The following MYRIP variants were observed in gnomAD, a reference collection of about 807,000 sequenced individuals.
MYRIP encodes rab effector MyRIP.
In MYRIP, 49 loss-of-function variants were observed where a neutral mutation model predicts 98.0. The observed-to-expected ratio is 0.50, with a 90% CI of 0.40 to 0.63. The LOEUF (loss-of-function observed/expected upper bound fraction) is 0.63. Ranked by LOEUF, MYRIP falls within the 30% of genes least tolerant of loss-of-function variation. MYRIP has a pLI of 0.00. For missense variants in MYRIP, 1,004 were observed against 1,058.2 expected, an observed-to-expected ratio of 0.95 and a Z score of 0.71; for synonymous variants, 404 against 409.5, an observed-to-expected ratio of 0.99 and a Z score of 0.16.
intron 10 of MYRIP, among the ~76,000 whole-genome samples, chr3:40,205,645 GCCT>G (rs1304111837): frequency 6.6e-6 from 1 of 151,862 alleles, no homozygotes; most frequent in Non-Finnish European, 1.5e-5. Context: ...CTTTCCCACC[GCCT>G]CCCACCCTCC....
intron 1 of MYRIP, among the ~76,000 whole-genome samples, chr3:39,872,955 C>T (rs993958861): frequency 3.3e-5 from 5 of 152,200 alleles, no homozygotes; most frequent in Admixed American, 3.3e-4. Context: ...GTCCCCCCAA[C>T]AGTGTAAAAG....
At chr3:39,816,738 C>T (rs1940928685) in intron 1 of MYRIP, among the ~76,000 whole-genome samples, 1 of 152,212 alleles carries the variant, frequency 6.6e-6, no homozygotes, top group African/African-American at 2.4e-5. Context: ...TAATATAAAA[C>T]ATAATAATTA....
chr3:39,876,710 T>C (rs867542104), intron 1 of MYRIP, among the ~76,000 whole-genome samples: 1 of 152,226 alleles, frequency 6.6e-6, no homozygotes, highest in Admixed American at 6.5e-5. Flanking sequence ...CCGAGAGATC[T>C]GCTGTTAGTC....
At chr3:40,119,419 T>C (rs1949351372) in intron 3 of MYRIP, among the ~76,000 whole-genome samples, 1 of 152,220 alleles carries the variant, frequency 6.6e-6, no homozygotes, top group Non-Finnish European at 1.5e-5. Flanking sequence ...TTGACATTTG[T>C]GCAGAAAAAG....
At chr3:40,211,310 A>T (rs953655027) in intron 11 of MYRIP, among the ~76,000 whole-genome samples, 1 of 152,224 alleles carries the variant, frequency 6.6e-6, no homozygotes, top group Non-Finnish European at 1.5e-5. Flanking sequence ...GGTAATGCAC[A>T]TGCATGAGTG....
intron 3 of MYRIP, among the ~76,000 whole-genome samples, chr3:40,054,840 G>A (rs558755793): frequency 3.3e-4 from 51 of 152,264 alleles, no homozygotes; most frequent in African/African-American, 1.1e-3. Flanking sequence ...ATCGTCTGCC[G>A]CAAGGCATAT....
chr3:40,110,674 C>T (rs1239039703), intron 3 of MYRIP, among the ~76,000 whole-genome samples: 1 of 152,126 alleles, frequency 6.6e-6, no homozygotes, highest in Non-Finnish European at 1.5e-5. Context: ...CTTTCAACAG[C>T]CCCTCTTTTC....
intron 2 of MYRIP, among the ~76,000 whole-genome samples, chr3:40,012,172 C>T (rs1056614769): frequency 6.6e-6 from 1 of 152,098 alleles, no homozygotes; most frequent in African/African-American, 2.4e-5. Flanking sequence ...TACGGTTTAT[C>T]TCACAGCTTC....
At chr3:39,846,736 C>T (rs1222967383) in intron 1 of MYRIP, among the ~76,000 whole-genome samples, 1 of 152,124 alleles carries the variant, frequency 6.6e-6, no homozygotes, top group Non-Finnish European at 1.5e-5. Context: ...GAAACAGAAT[C>T]AATACAATAT....
At position 40,032,251 on chromosome 3, in the gene MYRIP, G is replaced by T. The variant is rs539634708; in HGVS notation, c.111-11799G>T. 1.2e-3 allele frequency among the ~76,000 whole-genome samples: 188 copies of T among 152,252 alleles called. 1 individual carries two copies. Among genetic ancestry groups the T allele is most frequent in the Middle Eastern group, 3.4e-3 (1 of 294 alleles). On this transcript the variant is annotated intron_variant, in intron 2 of 16. Coordinates refer to ENST00000302541, the MANE Select transcript of MYRIP (RefSeq NM_015460.4). ...CTGTCTTCATTTCGTTATGTACCCA[G>T]TAGTCATTCAGGAGCAGGTTGTTCA...
intron 11 of MYRIP, among the ~76,000 whole-genome samples, chr3:40,223,648 A>T (rs779360173): frequency 5.9e-5 from 9 of 152,216 alleles, no homozygotes; most frequent in Non-Finnish European, 8.8e-5. Flanking sequence ...ATTTAAAAGG[A>T]GACAGAGAGA....
chr3:40,156,487 G>C (rs1034731751), intron 4 of MYRIP, among the ~76,000 whole-genome samples: 1 of 152,088 alleles, frequency 6.6e-6, no homozygotes, highest in Non-Finnish European at 1.5e-5. Context: ...CTCTTTTTTG[G>C]TGCCATATGA....
chr3:40,128,254 T>C (rs372533877), intron 3 of MYRIP, among the ~76,000 whole-genome samples: 34 of 152,256 alleles, frequency 2.2e-4, no homozygotes, highest in African/African-American at 8.2e-4. Context: ...AACTGACTTA[T>C]GTACAGAAAC....
chr3:39,921,552 G>C lies in MYRIP; in HGVS notation c.110+20626G>C, dbSNP rs151192228. 3.1e-4 allele frequency among the ~76,000 whole-genome samples: 47 copies of C among 152,230 alleles called. No homozygotes were observed. The East Asian group carries it at 7.7e-3, about 25-fold the overall frequency. On this transcript the variant is annotated intron_variant, in intron 2 of 16. Coordinates refer to ENST00000302541, the MANE Select transcript of MYRIP (RefSeq NM_015460.4). ...TACAAAATTTGCACATATTCAGGTG[G>C]GAAGTTATACCCCAACTCCAGGTAC...
intron 3 of MYRIP, among the ~76,000 whole-genome samples, chr3:40,083,433 C>G (rs1008817783): frequency 6.6e-6 from 1 of 152,088 alleles, no homozygotes; most frequent in Non-Finnish European, 1.5e-5. Flanking sequence ...TTCCTTCTTC[C>G]TTTTTCCCCT....
chr3:39,821,510 T>G (rs1434967323), intron 1 of MYRIP, among the ~76,000 whole-genome samples: 2 of 151,908 alleles, frequency 1.3e-5, no homozygotes, highest in East Asian at 1.9e-4. Context: ...TTTCTTTGGG[T>G]TTTTTTTCTC....
chr3:40,200,031 A>G (rs1951508105), intron 10 of MYRIP, among the ~76,000 whole-genome samples: 1 of 151,434 alleles, frequency 6.6e-6, no homozygotes, highest in South Asian at 2.1e-4. Context: ...CCTGGAGAAA[A>G]AGAATTGCTA....
intron 2 of MYRIP, among the ~76,000 whole-genome samples, chr3:39,997,943 A>G (rs1317548151): frequency 2.0e-5 from 3 of 152,204 alleles, no homozygotes; most frequent in African/African-American, 4.8e-5. Flanking sequence ...CCACATAATT[A>G]TCTCAATAAA....
upstream of MYRIP, among the ~76,000 whole-genome samples, chr3:39,809,376 G>A (rs1940578541): frequency 6.7e-6 from 1 of 149,666 alleles, no homozygotes; most frequent in African/African-American, 2.4e-5. Flanking sequence ...GCCCTGCCCC[G>A]CCTCCTCCCG....
Sources: gnomAD v4.1 joint callset for allele counts (sites outside exome capture counted in the v4.1 genomes callset) on GRCh38, gnomAD v4.1.1 for gene constraint, MANE v1.5 for transcripts, NCBI Gene and HGNC (gene_info 2026-07-23, HGNC 2026-07-21) for gene names.